The following NKAIN3 variants were observed in gnomAD, a reference collection of about 807,000 sequenced individuals.
The protein encoded by NKAIN3 is sodium/potassium-transporting ATPase subunit beta-1-interacting protein 3.
In NKAIN3, 25 loss-of-function variants were observed where a neutral mutation model predicts 30.2. The observed-to-expected ratio is 0.83, with a 90% confidence interval of 0.60 to 1.16. NKAIN3 has a LOEUF of 1.16. Ranked by LOEUF, NKAIN3 falls within the 50% of genes most tolerant of loss-of-function variation. The probability of loss-of-function intolerance (pLI) is 0.00; values close to 1 mark genes in which losing one functional copy is unlikely to be tolerated. For synonymous variants in NKAIN3, 91 were observed against 89.6 expected, an observed-to-expected ratio of 1.02 and a Z score of -0.09; for missense variants, 225 against 254.1, an observed-to-expected ratio of 0.89 and a Z score of 0.78.
intron 3 of NKAIN3, among the ~76,000 whole-genome samples, chr8:62,740,177 T>C (rs1358150298): frequency 2.6e-5 from 4 of 152,060 alleles, no homozygotes; most frequent in African/African-American, 9.7e-5. Flanking sequence ...ATTAGAAAAA[T>C]AAGACATTTG....
At chr8:62,505,482 G>T (rs1304849481) in intron 1 of NKAIN3, among the ~76,000 whole-genome samples, 1 of 152,050 alleles carries the variant, frequency 6.6e-6, no homozygotes, top group African/African-American at 2.4e-5. Flanking sequence ...AATGTATAAG[G>T]TTCTCAATAA....
At chr8:62,262,533 A>G (rs1206874252) in intron 1 of NKAIN3, among the ~76,000 whole-genome samples, 1 of 152,156 alleles carries the variant, frequency 6.6e-6, no homozygotes, top group East Asian at 1.9e-4. Flanking sequence ...TGTGATTGCC[A>G]AAGATTTGAA....
rs142964421 is a variant in NKAIN3 at position 62,814,316 on chromosome 8, C to CTT, written c.471+67195_471+67196dup. On this transcript the variant is annotated intron_variant, in intron 4 of 6. Coordinates refer to ENST00000623646, the MANE Select transcript of NKAIN3 (RefSeq NM_001304533.3). ...AATTATGTTCTGTATGTCTCATAGG[C>CTT]TTTTTTTTTCATTCTTTTAATGTTC... Among the ~76,000 whole-genome samples, 54 of 150,262 alleles carry CTT rather than the reference C, an allele frequency of 3.6e-4. 1 individual carries two copies. The highest frequency in any genetic ancestry group is 8.6e-4 in the Admixed American group (13 of 15,050).
intron 1 of NKAIN3, among the ~76,000 whole-genome samples, chr8:62,317,203 AT>A (rs1402362483): frequency 6.6e-6 from 1 of 151,852 alleles, no homozygotes; most frequent in Non-Finnish European, 1.5e-5. Context: ...GATTGCAAAA[AT>A]TTTCTCCCAT....
intron 4 of NKAIN3, among the ~76,000 whole-genome samples, chr8:62,812,304 A>T (rs1243309733): frequency 6.6e-6 from 1 of 151,858 alleles, no homozygotes; most frequent in Non-Finnish European, 1.5e-5. Flanking sequence ...ATTGTTTTAC[A>T]TATTTTAGGG....
intron 3 of NKAIN3, among the ~76,000 whole-genome samples, chr8:62,741,362 AGAAGGAAGGAAG>A (rs200947376): frequency 0.027 from 3,761 of 137,988 alleles, 104 homozygotes; most frequent in East Asian, 0.092. Context: ...AGAGAGAGAA[AGAAGGAAGGAAG>A]GAAGGAAGGA....
rs1368958758 is a variant in NKAIN3, at chr8:62,984,483, A to T, written c.*19076A>T. 6.6e-6 allele frequency: 1 copy of T among 152,162 alleles called. No homozygotes were observed. The highest frequency in any genetic ancestry group is 6.5e-5 in the Admixed American group (1 of 15,282). 9.4% of individuals were successfully genotyped at this position (152,162 alleles called of 1,614,324 possible). ...CTTGACACTGGAATTCAATGTAAAA[A>T]TCTTGAATGATATTTTGTACTGATA... On this transcript the variant is annotated 3_prime_UTR_variant, in exon 7 of 7. Coordinates refer to ENST00000623646, the MANE Select transcript of NKAIN3 (RefSeq NM_001304533.3).
chr8:62,716,026 G>C (rs1814891052), intron 3 of NKAIN3, among the ~76,000 whole-genome samples: 1 of 152,176 alleles, frequency 6.6e-6, no homozygotes, highest in Non-Finnish European at 1.5e-5. Flanking sequence ...CCCTGCCATG[G>C]AACTGCTATT....
chr8:62,884,529 T>C (rs754395656), intron 4 of NKAIN3, among the ~76,000 whole-genome samples: 1 of 152,244 alleles, frequency 6.6e-6, no homozygotes, highest in Non-Finnish European at 1.5e-5. Flanking sequence ...AGTGCTGGGA[T>C]TACAGGCGTG....
At chr8:62,354,641 C>T (rs1160668494) in intron 1 of NKAIN3, among the ~76,000 whole-genome samples, 2 of 152,106 alleles carry the variant, frequency 1.3e-5, no homozygotes, top group African/African-American at 4.8e-5. Context: ...AAGGGTTTCA[C>T]CATGTTGGCC....
At chr8:62,727,880 G>A (rs2130534373) in intron 3 of NKAIN3, among the ~76,000 whole-genome samples, 1 of 152,166 alleles carries the variant, frequency 6.6e-6, no homozygotes, top group African/African-American at 2.4e-5. Context: ...TTTTATTGAG[G>A]TGTAATTTAT....
intron 1 of NKAIN3, among the ~76,000 whole-genome samples, chr8:62,327,352 C>G (rs573139224): frequency 2.6e-5 from 4 of 151,894 alleles, no homozygotes; most frequent in African/African-American, 9.7e-5. Context: ...TTTCTTTTGT[C>G]ACGTGTGTCT....
At chr8:62,495,061 A>G (rs935569975) in intron 1 of NKAIN3, among the ~76,000 whole-genome samples, 1 of 152,072 alleles carries the variant, frequency 6.6e-6, no homozygotes, top group African/African-American at 2.4e-5. Context: ...TCCCTCCATT[A>G]TCAGAGGCCC....
At chr8:62,618,860 C>G (rs1008682179) in intron 3 of NKAIN3, among the ~76,000 whole-genome samples, 1 of 151,822 alleles carries the variant, frequency 6.6e-6, no homozygotes, top group Non-Finnish European at 1.5e-5. Context: ...GAGCTGAGAT[C>G]GCGCCACGGC....
At position 62,761,100 on chromosome 8, in the gene NKAIN3, T is replaced by A. The variant is rs564459118; in HGVS notation, c.471+13971T>A. Reference sequence around the variant, plus strand: ...AATTTTTTAATTTTTCTTTTCTGTTTTTTTACCACCTTGCCTTGGACATAA... The same window carrying A: ...AATTTTTTAATTTTTCTTTTCTGTTATTTTACCACCTTGCCTTGGACATAA... On this transcript the variant is annotated intron_variant, in intron 4 of 6. Coordinates refer to ENST00000623646, the MANE Select transcript of NKAIN3 (RefSeq NM_001304533.3). Among the ~76,000 whole-genome samples, 91 of 152,292 alleles carry A rather than the reference T, an allele frequency of 6.0e-4. 1 individual carries two copies. In the South Asian group the frequency reaches 0.018, roughly 31 times the overall value.
chr8:62,721,806 A>G (rs547869174), intron 3 of NKAIN3, among the ~76,000 whole-genome samples: 1 of 152,206 alleles, frequency 6.6e-6, no homozygotes, highest in Non-Finnish European at 1.5e-5. Flanking sequence ...TTAAAGGTGA[A>G]ATAGGGCAGA....
chr8:62,667,931 A>G (rs1813177681), intron 3 of NKAIN3, among the ~76,000 whole-genome samples: 2 of 152,134 alleles, frequency 1.3e-5, no homozygotes, highest in African/African-American at 2.4e-5. Flanking sequence ...ACCACCAGGA[A>G]ACAGCTATTC....
chr8:62,603,074 A>G (rs920949229), intron 3 of NKAIN3, among the ~76,000 whole-genome samples: 13 of 152,128 alleles, frequency 8.5e-5, no homozygotes, highest in Admixed American at 2.0e-4. Flanking sequence ...AGAATTTTTC[A>G]TGCAGTCGAT....
intron 3 of NKAIN3, among the ~76,000 whole-genome samples, chr8:62,662,348 C>T (rs1812971640): frequency 6.6e-6 from 1 of 152,176 alleles, no homozygotes; most frequent in Non-Finnish European, 1.5e-5. Context: ...GTTCATGGCT[C>T]CTCTCTCAGT....
Sources: gnomAD v4.1 joint callset for allele counts (sites outside exome capture counted in the v4.1 genomes callset) on GRCh38, gnomAD v4.1.1 for gene constraint, MANE v1.5 for transcripts, NCBI Gene and HGNC (gene_info 2026-07-23, HGNC 2026-07-21) for gene names.